LY96: variants seen among roughly 807,000 people sequenced by gnomAD.
LY96 encodes the protein lymphocyte antigen 96.
LY96 carries 18 observed loss-of-function variants against 18.9 expected under a neutral mutation model. That is an observed-to-expected ratio of 0.95 (90% CI 0.66 to 1.41). The LOEUF (loss-of-function observed/expected upper bound fraction) is 1.41. Among genes scored for constraint, LY96 ranks in the 40% most tolerant of loss-of-function variants. LY96 has a pLI of 0.00. For missense variants in LY96, 175 were observed against 182.4 expected (o/e 0.96, Z 0.23); for synonymous variants, 66 against 62.6 (o/e 1.06, Z -0.26).
downstream of LY96, among the ~76,000 whole-genome samples, chr8:74,033,325 A>G (rs556766799): frequency 6.6e-6 from 1 of 152,240 alleles, no homozygotes; most frequent in Non-Finnish European, 1.5e-5. Flanking sequence ...TTAAAACACT[A>G]TTTGCCCCTA....
At chr8:74,047,945 G>A in the LY96 span, among the ~76,000 whole-genome samples, 9 of 152,140 alleles carry the variant, frequency 5.9e-5, 1 homozygote, top group African/African-American at 2.2e-4. Flanking sequence ...AGGCTGGAGT[G>A]CAGTGGCATA....
chr8:74,070,254 G>C, the LY96 span, among the ~76,000 whole-genome samples: 1 of 151,998 alleles, frequency 6.6e-6, no homozygotes, highest in East Asian at 1.9e-4. Flanking sequence ...ACCACGCCCG[G>C]CTAACTTTTT....
chr8:74,016,225 C>T lies in LY96; in HGVS notation c.331+6096C>T, dbSNP rs531558176. 2.0e-5 allele frequency among the ~76,000 whole-genome samples: 3 copies of T among 152,348 alleles called. No homozygotes were observed. The South Asian group carries it at 6.2e-4, about 32-fold the overall frequency. ...AGGAGATTATATCCTGTGCATGGCT[C>T]AGTGGGTCCCATGCCCACAGAGCCT... is the stretch of plus-strand genomic sequence containing the variant. On this transcript the variant is annotated intron_variant, in intron 3 of 4. Coordinates refer to ENST00000284818, the MANE Select transcript of LY96 (RefSeq NM_015364.5).
the LY96 span, among the ~76,000 whole-genome samples, chr8:74,059,153 G>A: frequency 6.6e-6 from 1 of 152,176 alleles, no homozygotes; most frequent in Non-Finnish European, 1.5e-5. Flanking sequence ...CCCAGCAATA[G>A]TGTTTAATCA....
the LY96 span, among the ~76,000 whole-genome samples, chr8:74,042,685 C>A: frequency 6.6e-6 from 1 of 152,146 alleles, no homozygotes; most frequent in Non-Finnish European, 1.5e-5. Context: ...CCAAACAAAA[C>A]CTGTTTGTAC....
the LY96 span, among the ~76,000 whole-genome samples, chr8:74,085,110 T>C: frequency 6.6e-6 from 1 of 152,232 alleles, no homozygotes. Context: ...GCAGCTACTA[T>C]TATATGCCAG....
chr8:74,011,555 A>G (rs1021374926), intron 3 of LY96, among the ~76,000 whole-genome samples: 1 of 152,030 alleles, frequency 6.6e-6, no homozygotes, highest in African/African-American at 2.4e-5. Context: ...AAAACAAATA[A>G]CCCCATTAAA....
chr8:74,067,880 G>T, the LY96 span, among the ~76,000 whole-genome samples: 3 of 151,268 alleles, frequency 2.0e-5, no homozygotes, highest in South Asian at 2.1e-4. Flanking sequence ...GGTCAATGTG[G>T]TAAAACCACG....
chr8:74,081,412 T>C, the LY96 span, among the ~76,000 whole-genome samples: 1 of 151,576 alleles, frequency 6.6e-6, no homozygotes, highest in African/African-American at 2.4e-5. Flanking sequence ...CATGCCACTG[T>C]GCCTGGCTAA....
At chr8:74,054,499 CT>C in the LY96 span, among the ~76,000 whole-genome samples, 4 of 148,436 alleles carry the variant, frequency 2.7e-5, no homozygotes, top group African/African-American at 5.0e-5. Flanking sequence ...CTTTTCTTTT[CT>C]TTTTTTTTCT....
intron 3 of LY96, among the ~76,000 whole-genome samples, chr8:74,016,581 T>C (rs1048101795): frequency 6.6e-6 from 1 of 152,236 alleles, no homozygotes; most frequent in Non-Finnish European, 1.5e-5. Context: ...CTGACCCCTG[T>C]GTAGCCTAAC....
chr8:74,031,397 G>A (rs1040479472), downstream of LY96, among the ~76,000 whole-genome samples: 1 of 152,214 alleles, frequency 6.6e-6, no homozygotes, highest in Non-Finnish European at 1.5e-5. Flanking sequence ...GGAATCCAAA[G>A]CGGGCGCATC....
At chr8:74,064,591 G>A in the LY96 span, among the ~76,000 whole-genome samples, 2 of 152,170 alleles carry the variant, frequency 1.3e-5, no homozygotes, top group Admixed American at 6.5e-5. Flanking sequence ...TCACATGTGA[G>A]CTCCCCTTTT....
chr8:74,005,089 C>G (rs972758695), intron 2 of LY96, among the ~76,000 whole-genome samples: 1 of 152,234 alleles, frequency 6.6e-6, no homozygotes, highest in African/African-American at 2.4e-5. Flanking sequence ...CCTGTGTCTG[C>G]TTCAAGGTCT....
intron 3 of LY96, among the ~76,000 whole-genome samples, chr8:74,016,218 C>A (rs1245229083): frequency 6.6e-6 from 1 of 152,262 alleles, no homozygotes; most frequent in Non-Finnish European, 1.5e-5. Context: ...ATATCCTGTG[C>A]ATGGCTCAGT....
the LY96 span, among the ~76,000 whole-genome samples, chr8:74,053,541 T>G: frequency 6.6e-6 from 1 of 152,210 alleles, no homozygotes; most frequent in Admixed American, 6.5e-5. Context: ...TTGTCTGTGC[T>G]TCAGATACTG....
the LY96 span, among the ~76,000 whole-genome samples, chr8:74,049,927 A>T: frequency 6.6e-6 from 1 of 152,180 alleles, no homozygotes; most frequent in Non-Finnish European, 1.5e-5. Flanking sequence ...CTGAGGCAGG[A>T]GGGTGGCTTG....
chr8:74,014,812 TACACAC>T lies in LY96; in HGVS notation c.331+4713_331+4718del, dbSNP rs111566455. ...AAAGTTACCCATAATCTCACCAGTT[TACACAC>T]ACACACACACACACACACACACACA... On this transcript the variant is annotated intron_variant, in intron 3 of 4. Transcript: ENST00000284818. Among the ~76,000 whole-genome samples, 421 of 144,772 alleles carry T rather than the reference TACACAC, an allele frequency of 2.9e-3. 2 individuals carry two copies. Among genetic ancestry groups the T allele is most frequent in the African/African-American group, 8.3e-3 (326 of 39,052 alleles). 95.0% of individuals were successfully genotyped at this position (144,772 alleles called of 152,430 possible).
chr8:74,038,137 C>G, the LY96 span, among the ~76,000 whole-genome samples: 1 of 151,986 alleles, frequency 6.6e-6, no homozygotes, highest in Non-Finnish European at 1.5e-5. Flanking sequence ...TGTGTAAAAT[C>G]ACATCAGGGT....
Sources: allele counts gnomAD v4.1 joint callset (sites outside exome capture counted in the v4.1 genomes callset), GRCh38; gene constraint gnomAD v4.1.1; transcripts MANE v1.5; gene names NCBI Gene and HGNC (gene_info 2026-07-23, HGNC 2026-07-21).